SASH1: variants seen among roughly 807,000 people sequenced by gnomAD.
SASH1 encodes SAM and SH3 domain containing 1.
SASH1 carries 44 observed loss-of-function variants against 125.2 expected under a neutral mutation model. The ratio of observed to expected loss-of-function variants is 0.35; its 90% confidence interval spans 0.28 to 0.45. The LOEUF (loss-of-function observed/expected upper bound fraction) is 0.45. Among genes scored for constraint, SASH1 ranks in the 20% least tolerant of loss-of-function variants. The probability of loss-of-function intolerance (pLI) is 1.00; values close to 1 mark genes in which losing one functional copy is unlikely to be tolerated. For missense variants in SASH1, 1,426 were observed against 1,614.5 expected (o/e 0.88, Z 2.00); for synonymous variants, 639 against 649.1 (o/e 0.98, Z 0.24).
intron 8 of SASH1, among the ~76,000 whole-genome samples, chr6:148,509,665 G>T (rs1262436555): frequency 6.6e-6 from 1 of 152,218 alleles, no homozygotes; most frequent in Admixed American, 6.5e-5. Flanking sequence ...TCTGCACACT[G>T]CAGTCCCAAG....
the SASH1 span, among the ~76,000 whole-genome samples, chr6:148,202,428 A>T: frequency 2.0e-5 from 3 of 152,200 alleles, no homozygotes; most frequent in East Asian, 5.8e-4. Flanking sequence ...CCTCCTGCAC[A>T]CATCACCCCA....
chr6:148,449,790 G>A, intron 4 of SASH1, among the ~76,000 whole-genome samples: 1 of 152,166 alleles, frequency 6.6e-6, no homozygotes, highest in South Asian at 2.1e-4. Context: ...GCCGTCCTGT[G>A]GGGTGATAAC....
chr6:148,390,477 C>G (rs1783656715), intron 2 of SASH1, among the ~76,000 whole-genome samples: 1 of 152,170 alleles, frequency 6.6e-6, no homozygotes, highest in South Asian at 2.1e-4. Context: ...TAGGATCGAA[C>G]CTTTGCACTC....
At chr6:148,278,106 C>T (rs1006828967) in intron 1 of SASH1, among the ~76,000 whole-genome samples, 15 of 152,154 alleles carry the variant, frequency 9.9e-5, no homozygotes, top group African/African-American at 2.9e-4. Context: ...AGTGCATGAT[C>T]TCGGCTCACT....
chr6:148,519,901 C>G lies in SASH1; in HGVS notation c.1209+8C>G. On this transcript the variant is annotated splice_region_variant and intron_variant, in intron 10 of 19. Coordinates refer to ENST00000367467, the MANE Select transcript of SASH1 (RefSeq NM_015278.5). This position sits in a 1 kb window ranked among gnomAD's most constrained non-coding sequence, Gnocchi z 4.8. ...GGGTCCCTAAGCCACGGGGTAAGTA[C>G]GGATGGTGTTTGCTTCTATGACAAC... 1 of 1,537,766 alleles carries G rather than the reference C, an allele frequency of 6.5e-7. No homozygotes were observed. The highest frequency in any genetic ancestry group is 8.8e-7 in the Non-Finnish European group (1 of 1,142,836).
chr6:148,539,722 C>CAAA (rs1408572357), intron 16 of SASH1, among the ~76,000 whole-genome samples: 1 of 152,010 alleles, frequency 6.6e-6, no homozygotes, highest in Non-Finnish European at 1.5e-5. Flanking sequence ...ATGCAGGAGA[C>CAAA]AAAAATGTGC....
intron 1 of SASH1, among the ~76,000 whole-genome samples, chr6:148,323,893 G>T (rs148217689): frequency 6.6e-6 from 1 of 151,972 alleles, no homozygotes; most frequent in Non-Finnish European, 1.5e-5. Flanking sequence ...TTGGGAGGCC[G>T]AGGCAGGAGG....
chr6:148,534,438 C>A (rs1781715940), intron 15 of SASH1, among the ~76,000 whole-genome samples: 1 of 152,174 alleles, frequency 6.6e-6, no homozygotes, highest in South Asian at 2.1e-4. Flanking sequence ...GAGGAGGAGT[C>A]TCCTCTGTTG....
intron 7 of SASH1, among the ~76,000 whole-genome samples, chr6:148,478,013 C>T (rs1301459241): frequency 6.6e-6 from 1 of 151,938 alleles, no homozygotes; most frequent in African/African-American, 2.4e-5. Flanking sequence ...GGCTTTTATC[C>T]AAAAGACAGG....
At chr6:148,265,676 T>C in the SASH1 span, among the ~76,000 whole-genome samples, 19 of 152,332 alleles carry the variant, frequency 1.2e-4, 1 homozygote, top group South Asian at 3.9e-3. Context: ...CATAAAACTT[T>C]GTCCTGGATA....
chr6:148,537,832 G>GTGTGTGT (rs1269680437), intron 16 of SASH1, among the ~76,000 whole-genome samples: 11 of 141,320 alleles, frequency 7.8e-5, no homozygotes, highest in South Asian at 2.3e-4. Context: ...GTGTGTGTGT[G>GTGTGTGT]GTTGGTGAGG....
intron 4 of SASH1, among the ~76,000 whole-genome samples, chr6:148,460,029 A>G (rs1777542129): frequency 6.6e-6 from 1 of 152,226 alleles, no homozygotes; most frequent in Admixed American, 6.5e-5. Context: ...TGGAGGTACC[A>G]GTCAGCTGCT....
chr6:148,481,590 T>G (rs9285513), intron 7 of SASH1, among the ~76,000 whole-genome samples: 15,003 of 152,150 alleles, frequency 0.099, 1,244 homozygotes, highest in East Asian at 0.46. Flanking sequence ...TGGCCTAATT[T>G]AAATATGTTG....
At chr6:148,244,593 A>G in the SASH1 span, among the ~76,000 whole-genome samples, 3 of 152,156 alleles carry the variant, frequency 2.0e-5, no homozygotes, top group South Asian at 6.2e-4. Context: ...TACACATTGT[A>G]GGCCTCCGTT....
In SASH1 at chr6:148,309,084, C is replaced by CAAA. The variant is rs10652144; in HGVS notation, n.74+36724_74+36726dup. ...GGGTGACAGAGCAAGACTCTGTCTC[C>CAAA]AAAAAAAAAAAAAAAAAAAGATTCT... On this transcript the variant is annotated intron_variant and non_coding_transcript_variant, in intron 1 of 3. Transcript: ENST00000367469. 9.3e-4 allele frequency among the ~76,000 whole-genome samples: 94 copies of CAAA among 101,096 alleles called. 1 individual carries two copies. Among genetic ancestry groups the CAAA allele is most frequent in the African/African-American group, 3.1e-3 (84 of 27,152 alleles). The allele number at this position is 101,096 out of a possible 152,430, so 66.3% of individuals were successfully genotyped here.
At chr6:148,429,749 AAAAAAC>A (rs1775986392) in intron 2 of SASH1, among the ~76,000 whole-genome samples, 2 of 146,576 alleles carry the variant, frequency 1.4e-5, no homozygotes, top group Non-Finnish European at 3.0e-5. Flanking sequence ...TCTCTTTAAA[AAAAAAC>A]AAAAACAAAC....
chr6:148,486,907 G>C (rs1174845455), intron 7 of SASH1, among the ~76,000 whole-genome samples: 4 of 123,428 alleles, frequency 3.2e-5, no homozygotes, highest in Middle Eastern at 4.6e-3. Context: ...GGGTGACAGA[G>C]TAGAGACCCT....
the SASH1 span, among the ~76,000 whole-genome samples, chr6:148,231,631 GT>G: frequency 6.6e-6 from 1 of 152,206 alleles, no homozygotes; most frequent in Admixed American, 6.5e-5. Context: ...GGCTTAAAAT[GT>G]TGCTGTAATG....
intron 8 of SASH1, among the ~76,000 whole-genome samples, chr6:148,498,408 G>GA (rs369027905): frequency 2.5e-4 from 33 of 131,856 alleles, no homozygotes; most frequent in South Asian, 4.8e-4. Context: ...CTCTAAAAAA[G>GA]AAAAAAAAAA....
Sources: gnomAD v4.1 joint callset for allele counts (sites outside exome capture counted in the v4.1 genomes callset) on GRCh38, gnomAD v4.1.1 for gene constraint, Gnocchi (gnomAD v3.1) non-coding constraint, MANE v1.5 for transcripts, NCBI Gene and HGNC (gene_info 2026-07-23, HGNC 2026-07-21) for gene names.